The following RUNX2 variants were observed in gnomAD, a reference collection of about 807,000 sequenced individuals.
RUNX2 encodes the protein runt-related transcription factor 2.
Under a neutral mutation model 51.7 loss-of-function variants are expected in RUNX2, and 10 were observed. The observed-to-expected ratio is 0.19, with a 90% CI of 0.12 to 0.33. RUNX2 has a LOEUF of 0.33. Ranked by LOEUF, RUNX2 falls within the 10% of genes least tolerant of loss-of-function variation. RUNX2 has a pLI of 1.00. For missense variants in RUNX2, 562 were observed against 691.3 expected (o/e 0.81, Z 2.10); for synonymous variants, 276 against 273.6 (o/e 1.01, Z -0.09).
chr6:45,395,045 G>A (rs992613664), intron 2 of RUNX2, among the ~76,000 whole-genome samples: 8 of 152,070 alleles, frequency 5.3e-5, no homozygotes, highest in African/African-American at 1.4e-4. Flanking sequence ...AGTCTCCAGC[G>A]CTTAATGAAT....
intron 4 of RUNX2, among the ~76,000 whole-genome samples, chr6:45,436,776 A>G (rs141265142): frequency 1.3e-5 from 2 of 152,336 alleles, no homozygotes; most frequent in East Asian, 3.9e-4. Context: ...AGACTGCATT[A>G]AACTTTGCAT....
chr6:45,464,038 A>C lies in RUNX2; in HGVS notation c.685+25987A>C, dbSNP rs549816258. Among the ~76,000 whole-genome samples the C allele has an allele frequency of 4.3e-3, 656 of 152,184 alleles. 2 individuals carry two copies. The highest frequency in any genetic ancestry group is 0.01 in the Middle Eastern group (3 of 294). On this transcript the variant is annotated intron_variant, in intron 5 of 8. Transcript: ENST00000647337. ...GAAACCCCGTCCCTACTAAAAATAC[A>C]AAAAATTAGCCAGGCGTGGTGGCAG...
At chr6:45,495,847 T>C (rs1226015337) in intron 6 of RUNX2, among the ~76,000 whole-genome samples, 1 of 152,234 alleles carries the variant, frequency 6.6e-6, no homozygotes, top group African/African-American at 2.4e-5. Context: ...CCAAAACTTC[T>C]AGCCATGTGG....
intron 6 of RUNX2, among the ~76,000 whole-genome samples, chr6:45,501,738 A>T (rs764013033): frequency 1.3e-5 from 2 of 152,188 alleles, no homozygotes; most frequent in Non-Finnish European, 2.9e-5. Flanking sequence ...ATTCTAGGAG[A>T]CAGTTTTTTA....
At chr6:45,453,309 A>G (rs1799226865) in intron 5 of RUNX2, among the ~76,000 whole-genome samples, 1 of 152,108 alleles carries the variant, frequency 6.6e-6, no homozygotes, top group African/African-American at 2.4e-5. Context: ...ATAAAAAAGA[A>G]CGCTCTTCTC....
chr6:45,394,583 G>A (rs1404933395), intron 2 of RUNX2, among the ~76,000 whole-genome samples: 3 of 152,094 alleles, frequency 2.0e-5, no homozygotes, highest in African/African-American at 7.2e-5. Flanking sequence ...TTTATTATTG[G>A]CTTTCAGTCT....
chr6:45,435,770 A>G (rs939167424), intron 4 of RUNX2, among the ~76,000 whole-genome samples: 8 of 152,250 alleles, frequency 5.3e-5, no homozygotes, highest in Non-Finnish European at 1.0e-4. Flanking sequence ...AAACACAGCC[A>G]TGGGAGCCAC....
chr6:45,441,527 T>C (rs1299066129), intron 5 of RUNX2, among the ~76,000 whole-genome samples: 1 of 152,226 alleles, frequency 6.6e-6, no homozygotes, highest in Non-Finnish European at 1.5e-5. Context: ...GTGACTGTCA[T>C]GTAGTAAGTG....
intron 5 of RUNX2, among the ~76,000 whole-genome samples, chr6:45,453,361 G>A (rs1050387340): frequency 1.3e-5 from 2 of 152,162 alleles, no homozygotes; most frequent in African/African-American, 2.4e-5. Context: ...TACCTATGTG[G>A]GGACAGTGGA....
At chr6:45,343,554 G>C (rs1358531335) in intron 2 of RUNX2, among the ~76,000 whole-genome samples, 2 of 146,268 alleles carry the variant, frequency 1.4e-5, no homozygotes, top group African/African-American at 5.6e-5. Flanking sequence ...GATTAAGAGA[G>C]AAGGTCCTAT....
chr6:45,430,069 G>A (rs2150366810), intron 3 of RUNX2, among the ~76,000 whole-genome samples: 1 of 150,736 alleles, frequency 6.6e-6, no homozygotes. Context: ...ACTCTAGCCT[G>A]GGTGATAGAC....
intron 7 of RUNX2, among the ~76,000 whole-genome samples, chr6:45,544,823 G>A (rs1459406735): frequency 2.0e-5 from 3 of 152,150 alleles, no homozygotes; most frequent in African/African-American, 7.2e-5. Flanking sequence ...ACTGGGCGGG[G>A]GAAATGTTAT....
At position 45,347,766 on chromosome 6, in the gene RUNX2, T is replaced by TA. The variant is rs575469951; in HGVS notation, c.58+18992dup. On this transcript the variant is annotated intron_variant, in intron 2 of 8. Coordinates refer to ENST00000647337, the MANE Select transcript of RUNX2 (RefSeq NM_001024630.4). ...AAAAGAACTTCACAATTCTTTTTTTTAAAAAAAAAAGACGTATATTTCATT... is the reference window on the plus strand; with the variant it reads ...AAAAGAACTTCACAATTCTTTTTTTTAAAAAAAAAAAGACGTATATTTCATT... Among the ~76,000 whole-genome samples, 176 of 148,738 alleles carry TA rather than the reference T, an allele frequency of 1.2e-3. 2 individuals are homozygous for TA. The South Asian group carries it at 0.023, about 20-fold the overall frequency.
chr6:45,355,798 G>T (rs1793049485), intron 2 of RUNX2, among the ~76,000 whole-genome samples: 1 of 152,092 alleles, frequency 6.6e-6, no homozygotes, highest in South Asian at 2.1e-4. Context: ...TTAGAAATGG[G>T]TTGTATTCCA....
chr6:45,505,635 A>G (rs1415953479), intron 6 of RUNX2, among the ~76,000 whole-genome samples: 1 of 152,014 alleles, frequency 6.6e-6, no homozygotes, highest in East Asian at 1.9e-4. Flanking sequence ...GGTTGTCTCC[A>G]TTTTTGCCTG....
At chr6:45,387,982 A>G (rs533265723) in intron 2 of RUNX2, among the ~76,000 whole-genome samples, 6 of 152,182 alleles carry the variant, frequency 3.9e-5, no homozygotes, top group Admixed American at 6.6e-5. Context: ...TGTGAAAGAG[A>G]AAGAGTAGCT....
At chr6:45,462,566 C>A (rs1799506483) in intron 5 of RUNX2, among the ~76,000 whole-genome samples, 1 of 152,152 alleles carries the variant, frequency 6.6e-6, no homozygotes, top group Admixed American at 6.5e-5. Context: ...TTCGTCAGGG[C>A]TAGGACTCTG....
intron 7 of RUNX2, among the ~76,000 whole-genome samples, chr6:45,529,904 T>G (rs1489178577): frequency 6.6e-6 from 1 of 152,134 alleles, no homozygotes; most frequent in Non-Finnish European, 1.5e-5. Flanking sequence ...GCCCTCCCCC[T>G]CCAGTCTTAA....
intron 5 of RUNX2, among the ~76,000 whole-genome samples, chr6:45,489,424 C>G (rs1800387848): frequency 6.6e-6 from 1 of 152,138 alleles, no homozygotes; most frequent in Non-Finnish European, 1.5e-5. Flanking sequence ...ACAGTCTGAG[C>G]TCACATCTCA....
Sources: gnomAD v4.1 joint callset for allele counts (sites outside exome capture counted in the v4.1 genomes callset) on GRCh38, gnomAD v4.1.1 for gene constraint, MANE v1.5 for transcripts, NCBI Gene and HGNC (gene_info 2026-07-23, HGNC 2026-07-21) for gene names.